MOB1B: variants seen among roughly 807,000 people sequenced by gnomAD.
MOB1B encodes the protein MOB kinase activator 1B.
A neutral mutation model predicts 24.4 loss-of-function variants in MOB1B; 19 were observed. That is an observed-to-expected ratio of 0.78 (90% CI 0.54 to 1.14). The LOEUF (loss-of-function observed/expected upper bound fraction) is 1.14. Among genes scored for constraint, MOB1B ranks in the 50% most tolerant of loss-of-function variants. The pLI is 0.00. For missense variants in MOB1B, 243 were observed against 259.6 expected, an observed-to-expected ratio of 0.94 and a Z score of 0.44; for synonymous variants, 76 against 82.1, an observed-to-expected ratio of 0.93 and a Z score of 0.40.
At chr4:70,942,808 G>GT (rs1226436701) in intron 1 of MOB1B, 2 of 921,404 alleles carry the variant, frequency 2.2e-6, no homozygotes, top group East Asian at 1.2e-4. Flanking sequence ...AAAATATTGT[G>GT]TTTTTTGTCT....
intron 1 of MOB1B, among the ~76,000 whole-genome samples, chr4:70,946,871 G>A (rs771802500): frequency 2.6e-5 from 4 of 152,200 alleles, no homozygotes; most frequent in Non-Finnish European, 1.5e-5. Flanking sequence ...TTACATTCTT[G>A]TGAGGCTCTG....
chr4:70,921,883 T>C (rs1736454381), intron 1 of MOB1B, among the ~76,000 whole-genome samples: 1 of 152,192 alleles, frequency 6.6e-6, no homozygotes, highest in African/African-American at 2.4e-5. Flanking sequence ...TAATTAGCCT[T>C]ATGTCTTCAA....
intron 1 of MOB1B, among the ~76,000 whole-genome samples, chr4:70,908,029 CTT>C (rs57209453): frequency 1.2e-4 from 17 of 141,588 alleles, no homozygotes; most frequent in Non-Finnish European, 9.3e-5. Flanking sequence ...TTCGTTCTTT[CTT>C]TTTTTTTTTT....
At chr4:70,965,345 T>C (rs1738476070) in intron 2 of MOB1B, among the ~76,000 whole-genome samples, 1 of 142,416 alleles carries the variant, frequency 7.0e-6, no homozygotes, top group South Asian at 2.2e-4. Flanking sequence ...AGTTTAAAAA[T>C]TTATAACTCC....
chr4:70,955,431 T>C (rs1737999291), intron 1 of MOB1B, among the ~76,000 whole-genome samples: 1 of 152,042 alleles, frequency 6.6e-6, no homozygotes, highest in Non-Finnish European at 1.5e-5. Flanking sequence ...GTAAAATGTC[T>C]TTTTTGTAAA....
chr4:70,926,733 G>T (rs554574449), intron 1 of MOB1B, among the ~76,000 whole-genome samples: 1 of 152,296 alleles, frequency 6.6e-6, no homozygotes, highest in South Asian at 2.1e-4. Context: ...TGTGCCGGGC[G>T]CAGTGGCTCA....
chr4:70,937,558 C>G lies in MOB1B; in HGVS notation c.15-21316C>G, dbSNP rs537554091. Among the ~76,000 whole-genome samples the G allele has an allele frequency of 6.9e-4, 105 of 151,782 alleles. 1 individual carries two copies. Among genetic ancestry groups the G allele is most frequent in the African/African-American group, 2.4e-3 (101 of 41,380 alleles). The stretch of plus-strand genomic sequence containing the variant: ...ATGGAGTCTCACTTTGTCACCCAGG[C>G]CGGAATGCAGTGGTGTGATCTCGGC... On this transcript the variant is annotated intron_variant, in intron 1 of 5. Transcript: ENST00000309395.
rs746277461 is a variant in MOB1B, at chr4:70,987,789, CTG to C, written c.*5735_*5736del. On this transcript the variant is annotated 3_prime_UTR_variant, in exon 6 of 6. Transcript: ENST00000309395. ...TGGAAGAATAAGGGCGGCATTTACACTGTGCAAGTATTGAGAAGAGTGCATAA... is the reference window on the plus strand; with the variant it reads ...TGGAAGAATAAGGGCGGCATTTACACTGCAAGTATTGAGAAGAGTGCATAA... 2 of 152,522 alleles carry C rather than the reference CTG, an allele frequency of 1.3e-5. No individual in the cohort carries two copies. Among genetic ancestry groups the C allele is most frequent in the African/African-American group, 2.4e-5 (1 of 41,440 alleles). 9.4% of individuals were successfully genotyped at this position (152,522 alleles called of 1,614,324 possible). A position where few individuals can be genotyped will look rare whatever the true frequency, so the allele number is the denominator to read the frequency against.
chr4:70,955,464 CTT>C (rs36054184), intron 1 of MOB1B, among the ~76,000 whole-genome samples: 1 of 89,328 alleles, frequency 1.1e-5, no homozygotes, highest in Non-Finnish European at 2.1e-5. Context: ...AGTATGTGTC[CTT>C]TTTTTTTTTT....
At chr4:70,923,904 A>C (rs1279090092) in intron 1 of MOB1B, among the ~76,000 whole-genome samples, 1 of 143,018 alleles carries the variant, frequency 7.0e-6, no homozygotes, top group South Asian at 2.2e-4. Context: ...CCGAGATCGC[A>C]CCACTGCACT....
intron 1 of MOB1B, among the ~76,000 whole-genome samples, chr4:70,929,160 CTTCTTTTTCT>C (rs1158015835): frequency 2.0e-5 from 3 of 148,200 alleles, no homozygotes; most frequent in East Asian, 2.0e-4. Flanking sequence ...TATTTCTTTT[CTTCTTTTTCT>C]TTTCTTTCTT....
intron 1 of MOB1B, among the ~76,000 whole-genome samples, chr4:70,934,514 T>C (rs1737008218): frequency 6.6e-6 from 1 of 151,846 alleles, no homozygotes; most frequent in Non-Finnish European, 1.5e-5. Context: ...AGTGCAGTGG[T>C]GCGATCTTGG....
chr4:70,932,181 T>C (rs1424164604), intron 1 of MOB1B, among the ~76,000 whole-genome samples: 1 of 152,178 alleles, frequency 6.6e-6, no homozygotes, highest in Admixed American at 6.5e-5. Flanking sequence ...GAATATCGAT[T>C]GTATGCCAAG....
rs962828392 is a variant in MOB1B, at chr4:70,984,303, G to A, written c.*2246G>A. The A allele has an allele frequency of 6.6e-6, 1 of 152,140 alleles. No homozygotes were observed. Among genetic ancestry groups the A allele is most frequent in the African/African-American group, 2.4e-5 (1 of 41,428 alleles). 9.4% of individuals were successfully genotyped at this position (152,140 alleles called of 1,614,324 possible). A position where few individuals can be genotyped will look rare whatever the true frequency, so the allele number is the denominator to read the frequency against. ...AACAAAGCATAGCAGTTCTCTAGGG[G>A]AGAGGCCTGGCATTGCACATGGTGT... On this transcript the variant is annotated 3_prime_UTR_variant, in exon 6 of 6. Coordinates refer to ENST00000309395, the MANE Select transcript of MOB1B (RefSeq NM_173468.4).
At position 70,925,739 on chromosome 4, in the gene MOB1B, G is replaced by A. The variant is rs1026674608; in HGVS notation, c.14+23189G>A. On this transcript the variant is annotated intron_variant, in intron 1 of 5. Transcript: ENST00000309395. The stretch of plus-strand genomic sequence containing the variant: ...GATGCCTGTATATTTAATTTAAATG[G>A]TTTGAGATAAGGTGAATAAGAAAAA... 2.0e-5 allele frequency among the ~76,000 whole-genome samples: 3 copies of A among 152,240 alleles called. No individual in the cohort carries two copies. In the East Asian group the frequency reaches 5.8e-4, roughly 29 times the overall value.
chr4:70,951,369 GA>G (rs1737796725), intron 1 of MOB1B, among the ~76,000 whole-genome samples: 1 of 152,152 alleles, frequency 6.6e-6, no homozygotes, highest in Non-Finnish European at 1.5e-5. Context: ...ATTTGCAAAA[GA>G]TAAATCAAAT....
chr4:70,911,014 C>G (rs1411947962), intron 1 of MOB1B, among the ~76,000 whole-genome samples: 1 of 152,194 alleles, frequency 6.6e-6, no homozygotes, highest in African/African-American at 2.4e-5. Flanking sequence ...TCTGGAACTC[C>G]TGACCTTGTG....
In MOB1B at chr4:70,986,000, G is replaced by A. The variant is rs533735951; in HGVS notation, c.*3943G>A. On this transcript the variant is annotated 3_prime_UTR_variant, in exon 6 of 6. Transcript: ENST00000309395. ...AGTTTCCTGATGTCACTATTTTGAA[G>A]TGGAAATTATCACTTGGATGTGGAG... is the stretch of plus-strand genomic sequence containing the variant. 13 of 152,286 alleles carry A rather than the reference G, an allele frequency of 8.5e-5. No individual in the cohort carries two copies. Among genetic ancestry groups the A allele is most frequent in the African/African-American group, 3.1e-4 (13 of 41,568 alleles). The allele number at this position is 152,286 out of a possible 1,614,324, so 9.4% of individuals were successfully genotyped here.
chr4:70,949,238 A>G (rs1737698848), intron 1 of MOB1B, among the ~76,000 whole-genome samples: 1 of 152,194 alleles, frequency 6.6e-6, no homozygotes, highest in South Asian at 2.1e-4. Context: ...AGGATTTCTT[A>G]CTCACTTAAT....
Sources: allele counts gnomAD v4.1 joint callset (sites outside exome capture counted in the v4.1 genomes callset), GRCh38; gene constraint gnomAD v4.1.1; transcripts MANE v1.5; gene names NCBI Gene and HGNC (gene_info 2026-07-23, HGNC 2026-07-21).